The following SPNS2 variants were observed in gnomAD, a reference collection of about 807,000 sequenced individuals.
SPNS2 encodes the protein SPNS lysolipid transporter 2, sphingosine-1-phosphate, also known as sphingosine-1-phosphate transporter SPNS2.
Under a neutral mutation model 57.6 loss-of-function variants are expected in SPNS2, and 37 were observed. The observed-to-expected ratio is 0.64, with a 90% CI of 0.49 to 0.85. The LOEUF (loss-of-function observed/expected upper bound fraction) is 0.85, where lower values mean the gene tolerates loss of function less well. Ranked by LOEUF, SPNS2 falls within the 40% of genes least tolerant of loss-of-function variation. The probability of loss-of-function intolerance (pLI) is 0.00; values close to 1 mark genes in which losing one functional copy is unlikely to be tolerated. For missense variants in SPNS2, 831 were observed against 779.1 expected (o/e 1.07, Z -0.79); for synonymous variants, 440 against 346.9 (o/e 1.27, Z -2.98).
chr17:4,528,224 T>C (rs1483385339), intron 3 of SPNS2, among the ~76,000 whole-genome samples: 1 of 151,976 alleles, frequency 6.6e-6, no homozygotes, highest in Non-Finnish European at 1.5e-5. Flanking sequence ...GGTTTCACCA[T>C]GTTGACAAGG....
chr17:4,536,921 G>T lies in SPNS2; in HGVS notation c.1629G>T (p.Pro543=), dbSNP rs531741353. Residue 543 remains proline, a synonymous_variant, in exon 12 of 13, where the codon CCG becomes CCT. Coordinates refer to ENST00000329078, the MANE Select transcript of SPNS2 (RefSeq NM_001124758.3). ...AEQQVNQLAM[P]PASVKV is the part of the protein sequence containing the mutation. ...CCAGGGTGAACCAGCTGGCGATGCC[G>T]CCCGCATCTGTGAAAGTCTGAGGTG... The T allele has an allele frequency of 1.2e-6, 2 of 1,613,496 alleles. No homozygotes were observed. Among genetic ancestry groups the T allele is most frequent in the Non-Finnish European group, 1.7e-6 (2 of 1,179,856 alleles).
At chr17:4,535,634 G>C (rs892193996) in intron 9 of SPNS2, among the ~76,000 whole-genome samples, 15 of 152,118 alleles carry the variant, frequency 9.9e-5, no homozygotes, top group Non-Finnish European at 1.9e-4. Flanking sequence ...ATGGCCTCTA[G>C]TGACTGGCGC....
intron 1 of SPNS2, among the ~76,000 whole-genome samples, chr17:4,504,999 C>T (rs1904635271): frequency 6.6e-6 from 1 of 152,210 alleles, no homozygotes; most frequent in African/African-American, 2.4e-5. Context: ...AGATCTGCTT[C>T]CCGGGAGCTA....
At chr17:4,509,518 T>TCTCAC (rs1057245055) in intron 1 of SPNS2, among the ~76,000 whole-genome samples, 5 of 152,242 alleles carry the variant, frequency 3.3e-5, no homozygotes, top group African/African-American at 1.2e-4. Context: ...TCAGAGCTGT[T>TCTCAC]CTCACCACCA....
At position 4,510,944 on chromosome 17, in the gene SPNS2, T is replaced by C. The variant is rs74996433; in HGVS notation, c.371-2303T>C. ...CAGATCTCACCTCCAAAACAGAATG[T>C]ACTGTGTGACAAATTACTTCATGTC... On this transcript the variant is annotated intron_variant, in intron 1 of 12. Coordinates refer to ENST00000329078, the MANE Select transcript of SPNS2 (RefSeq NM_001124758.3). This position sits in a 1 kb window ranked among gnomAD's most constrained non-coding sequence, Gnocchi z 4.4. 1.1e-4 allele frequency among the ~76,000 whole-genome samples: 17 copies of C among 152,354 alleles called. No homozygotes were observed. In the East Asian group the frequency reaches 2.9e-3, roughly 26 times the overall value.
chr17:4,530,583 G>A, intron 3 of SPNS2, 49 bp from the exon 4 acceptor site: 3 of 1,578,006 alleles, frequency 1.9e-6, no homozygotes, highest in Non-Finnish European at 2.6e-6. Context: ...GGGATGACAG[G>A]CAGACGGTGG....
At chr17:4,534,797 G>C (rs1905691544) in intron 9 of SPNS2, among the ~76,000 whole-genome samples, 1 of 147,264 alleles carries the variant, frequency 6.8e-6, no homozygotes, top group African/African-American at 2.7e-5. Flanking sequence ...CAGGGTCACT[G>C]CACAGGCCCA....
chr17:4,538,344 C>T lies in SPNS2; in HGVS notation c.*896C>T. 1 of 180,464 alleles carries T rather than the reference C, an allele frequency of 5.5e-6. No homozygotes were observed. The allele number at this position is 180,464 out of a possible 1,614,324, so 11.2% of individuals were successfully genotyped here. On this transcript the variant is annotated 3_prime_UTR_variant, in exon 13 of 13. Transcript: ENST00000329078. ...ATTCCCAGAATCCATGGGGCAGTAG[C>T]CAGGGCTCCGGCTGCTGGAGGAAGC...
intron 2 of SPNS2, among the ~76,000 whole-genome samples, chr17:4,516,032 G>A (rs1904975663): frequency 1.3e-5 from 2 of 152,206 alleles, no homozygotes; most frequent in Admixed American, 6.5e-5. Context: ...CAGCTCATAG[G>A]CTGGGCGCCT....
At chr17:4,535,133 G>C (rs1905713825) in intron 9 of SPNS2, among the ~76,000 whole-genome samples, 1 of 152,144 alleles carries the variant, frequency 6.6e-6, no homozygotes, top group African/African-American at 2.4e-5. Context: ...GGGGCTGCCT[G>C]GGCACCCACA....
chr17:4,507,608 C>A (rs1361735657), intron 1 of SPNS2, among the ~76,000 whole-genome samples: 1 of 152,206 alleles, frequency 6.6e-6, no homozygotes, highest in African/African-American at 2.4e-5. Flanking sequence ...GGTCACACAG[C>A]AGAGAAAGTG....
At chr17:4,531,892 C>T (rs1038612348) in intron 5 of SPNS2, among the ~76,000 whole-genome samples, 1 of 152,120 alleles carries the variant, frequency 6.6e-6, no homozygotes, top group Non-Finnish European at 1.5e-5. Flanking sequence ...GGGGAAGATC[C>T]AAAAGGGCTC....
chr17:4,522,032 C>G (rs1193798524), intron 2 of SPNS2, among the ~76,000 whole-genome samples: 1 of 152,192 alleles, frequency 6.6e-6, no homozygotes, highest in Non-Finnish European at 1.5e-5. Context: ...AACCTTGTCT[C>G]TACTAAACAT....
intron 2 of SPNS2, among the ~76,000 whole-genome samples, chr17:4,519,809 T>C (rs1156437681): frequency 1.3e-5 from 2 of 152,226 alleles, no homozygotes; most frequent in African/African-American, 4.8e-5. Flanking sequence ...CCTGCTGGCC[T>C]CTGTGTCCCC....
At chr17:4,530,599 C>A (rs763845050) in intron 3 of SPNS2, 33 bp from the exon 4 acceptor site, 1 of 1,591,136 alleles carries the variant, frequency 6.3e-7, no homozygotes, top group Non-Finnish European at 8.6e-7. Flanking sequence ...GGTGGGTAGT[C>A]GGTCCCCCAG....
rs573322061 is a variant in SPNS2, at chr17:4,533,339, C to T, written c.1185C>T (p.Ala395=). ...GGTGCCGCCTGAAGACCCAGCGGGC[C>T]GACCCACTGGTGTGTGCCGTGGGCA... The part of the protein sequence containing the change: ...TRWCRLKTQR[A]DPLVCAVGML... Residue 395 remains alanine (A), a synonymous_variant, in exon 8 of 13, where the codon GCC becomes GCT. Transcript: ENST00000329078. 44 of 1,611,888 alleles carry T rather than the reference C, an allele frequency of 2.7e-5. No homozygotes were observed. The Middle Eastern group carries it at 4.9e-4, about 18-fold the overall frequency.
intron 11 of SPNS2, 52 bp from the exon 12 acceptor site, chr17:4,536,842 TGCCCGG>T: frequency 1.4e-6 from 2 of 1,436,672 alleles, no homozygotes; most frequent in Non-Finnish European, 2.0e-6. Flanking sequence ...GCCAGAGCAG[TGCCCGG>T]GCCCGGCCCC....
chr17:4,530,685 C>T lies in SPNS2; in HGVS notation c.627C>T (p.Ser209=), dbSNP rs1427738608. 6.2e-7 allele frequency: 1 copy of T among 1,613,784 alleles called. No individual in the cohort carries two copies. Among genetic ancestry groups the T allele is most frequent in the Non-Finnish European group, 8.5e-7 (1 of 1,179,936 alleles). ...GGCTGGTGGGCATCGGGGAGGCCAG[C>T]TACTCCACCATCGCCCCCACTATCA... ...SRGLVGIGEA[S]YSTIAPTIIG... Residue 209 remains serine (S), a synonymous_variant, in exon 4 of 13, where the codon AGC becomes AGT. Transcript: ENST00000329078.
chr17:4,502,717 A>G (rs1904556641), intron 1 of SPNS2, among the ~76,000 whole-genome samples: 1 of 152,134 alleles, frequency 6.6e-6, no homozygotes, highest in African/African-American at 2.4e-5. Flanking sequence ...CCAGATTCCT[A>G]GGAGGGCTTC....
Sources: allele counts gnomAD v4.1 joint callset (sites outside exome capture counted in the v4.1 genomes callset), GRCh38; gene constraint gnomAD v4.1.1; non-coding constraint Gnocchi (gnomAD v3.1); transcripts MANE v1.5; gene names NCBI Gene and HGNC (gene_info 2026-07-23, HGNC 2026-07-21).